BCAS3: variants seen among roughly 807,000 people sequenced by gnomAD.
BCAS3 encodes the protein BCAS3 microtubule associated cell migration factor.
A neutral mutation model predicts 116.1 loss-of-function variants in BCAS3; 53 were observed. The observed-to-expected ratio is 0.46, with a 90% CI of 0.37 to 0.57. BCAS3 has a LOEUF of 0.57. Among genes scored for constraint, BCAS3 ranks in the 20% least tolerant of loss-of-function variants. The pLI, the probability that BCAS3 is intolerant of heterozygous loss-of-function variation, is 0.00. For synonymous variants in BCAS3, 391 were observed against 408.2 expected (o/e 0.96, Z 0.51); for missense variants, 917 against 1,165.4 (o/e 0.79, Z 3.10).
chr17:60,888,749 T>C (rs1281523205), intron 9 of BCAS3, among the ~76,000 whole-genome samples: 1 of 152,202 alleles, frequency 6.6e-6, no homozygotes, highest in East Asian at 1.9e-4. Flanking sequence ...TGAACAGTTT[T>C]TTAAAAAGGG....
Position 61,042,749 on chromosome 17 carries a change from G to T in BCAS3, c.2029+1857G>T, listed in dbSNP as rs2067619145. On this transcript the variant is annotated intron_variant, in intron 19 of 23. Transcript: ENST00000407086. The stretch of plus-strand genomic sequence containing the variant: ...CTAAAAATACGAAAAAATTAGCCGG[G>T]TGTGGTGGTGCATGCCTGTAATCCC... Among the ~76,000 whole-genome samples the T allele has an allele frequency of 1.3e-5, 2 of 151,390 alleles. 1 individual carries two copies. The highest frequency in any genetic ancestry group is 3.0e-5 in the Non-Finnish European group (2 of 67,780).
At chr17:60,758,166 A>G (rs1208676503) in intron 6 of BCAS3, among the ~76,000 whole-genome samples, 3 of 152,160 alleles carry the variant, frequency 2.0e-5, no homozygotes, top group Non-Finnish European at 2.9e-5. Context: ...GCCTTGTAAT[A>G]TATTTTAAAG....
At chr17:60,727,607 G>T in intron 5 of BCAS3, 1 of 637,330 alleles carries the variant, frequency 1.6e-6, no homozygotes, top group Non-Finnish European at 2.5e-6. Context: ...GGCAGTTTTA[G>T]GTTCACGGCA....
At chr17:60,787,038 G>C (rs1198894246) in intron 6 of BCAS3, among the ~76,000 whole-genome samples, 1 of 152,008 alleles carries the variant, frequency 6.6e-6, no homozygotes, top group Non-Finnish European at 1.5e-5. Flanking sequence ...GGATAAAAAG[G>C]AACAAAAGCT....
intron 9 of BCAS3, among the ~76,000 whole-genome samples, chr17:60,878,053 A>C (rs2144931706): frequency 7.0e-6 from 1 of 143,060 alleles, no homozygotes; most frequent in African/African-American, 2.6e-5. Context: ...TCTTTTGCCC[A>C]GGCTGGAGTG....
chr17:61,188,820 T>C lies in BCAS3; in HGVS notation c.2425+104256T>C, dbSNP rs2079926831. Among the ~76,000 whole-genome samples the C allele has an allele frequency of 6.6e-6, 1 of 152,208 alleles. No individual in the cohort carries two copies. The highest frequency in any genetic ancestry group is 1.5e-5 in the Non-Finnish European group (1 of 68,020). ...TCAAATCATATTATTCAGTAAAGAA[T>C]GGCATACTTGCCGGGCATGGTGGCT... On this transcript the variant is annotated intron_variant, in intron 22 of 23. Transcript: ENST00000407086. This position sits in a 1 kb window ranked among gnomAD's most constrained non-coding sequence, Gnocchi z 4.0.
At position 60,967,053 on chromosome 17, in the gene BCAS3, GT is replaced by G. The variant is rs1316608911; in HGVS notation, c.1221+19704del. ...TATTTTTGATAGATTTATCTTTTGG[GT>G]TTCATACTAGAGTTATGAGTGGATT... On this transcript the variant is annotated intron_variant, in intron 14 of 23. Transcript: ENST00000407086. This position sits in a 1 kb window ranked among gnomAD's most constrained non-coding sequence, Gnocchi z 4.7. 6.6e-6 allele frequency among the ~76,000 whole-genome samples: 1 copy of G among 152,082 alleles called. No homozygotes were observed. Among genetic ancestry groups the G allele is most frequent in the Non-Finnish European group, 1.5e-5 (1 of 68,010 alleles).
In BCAS3 at chr17:61,379,552, C is replaced by T. The variant is rs1603192209; in HGVS notation, c.2593+11058C>T. The stretch of plus-strand genomic sequence containing the variant: ...TAGTAGAAGAAGGCATTTTGGAGCC[C>T]ATCCCGGAAACAGCTTTCCAGCCTT... On this transcript the variant is annotated intron_variant, in intron 23 of 23. Coordinates refer to ENST00000407086, the MANE Select transcript of BCAS3 (RefSeq NM_017679.5). The surrounding 1 kb of genome is among the most constrained non-coding windows in gnomAD (Gnocchi z 5.5). 1 of 152,180 alleles carries T rather than the reference C, an allele frequency of 6.6e-6. No homozygotes were observed. Among genetic ancestry groups the T allele is most frequent in the East Asian group, 1.9e-4 (1 of 5,186 alleles). The allele number at this position is 152,180 out of a possible 1,614,324, so 9.4% of individuals were successfully genotyped here.
chr17:61,317,507 GA>G (rs2144803170), intron 22 of BCAS3, among the ~76,000 whole-genome samples: 1 of 152,306 alleles, frequency 6.6e-6, no homozygotes, highest in East Asian at 1.9e-4. Flanking sequence ...CCTGGACCAG[GA>G]AAATGCAGCT....
At position 61,282,705 on chromosome 17, in the gene BCAS3, C is replaced by G. The variant is rs2051348036; in HGVS notation, c.2426-85622C>G. On this transcript the variant is annotated intron_variant, in intron 22 of 23. Transcript: ENST00000407086. The surrounding 1 kb of genome is among the most constrained non-coding windows in gnomAD (Gnocchi z 5.9). ...TCAACACAGAGGATTATGAATCAGACCCTTCCAGAAGTCTCTATACCTCAC... is the reference window on the plus strand; with the variant it reads ...TCAACACAGAGGATTATGAATCAGAGCCTTCCAGAAGTCTCTATACCTCAC... Among the ~76,000 whole-genome samples the G allele has an allele frequency of 6.6e-6, 1 of 152,148 alleles. No individual in the cohort carries two copies. Among genetic ancestry groups the G allele is most frequent in the African/African-American group, 2.4e-5 (1 of 41,442 alleles).
intron 5 of BCAS3, among the ~76,000 whole-genome samples, chr17:60,744,834 G>A (rs1031884146): frequency 6.6e-6 from 1 of 151,978 alleles, no homozygotes; most frequent in African/African-American, 2.4e-5. Flanking sequence ...ATTGCCTTAT[G>A]TGTAAGGAGG....
At chr17:60,965,524 A>G (rs943025475) in intron 14 of BCAS3, among the ~76,000 whole-genome samples, 2 of 152,036 alleles carry the variant, frequency 1.3e-5, no homozygotes, top group African/African-American at 2.4e-5. Flanking sequence ...CCCGGCCTAT[A>G]TATTGCATTT....
chr17:60,985,104 A>G (rs1438097888), intron 14 of BCAS3, among the ~76,000 whole-genome samples: 1 of 149,848 alleles, frequency 6.7e-6, no homozygotes, highest in Non-Finnish European at 1.5e-5. Context: ...CTCCTCAAGC[A>G]TTTATCCATT....
At chr17:60,867,736 A>G (rs962157179) in intron 7 of BCAS3, among the ~76,000 whole-genome samples, 3 of 152,172 alleles carry the variant, frequency 2.0e-5, no homozygotes, top group South Asian at 2.1e-4. Flanking sequence ...TTAGCAAATA[A>G]TGACAGCTTT....
rs1190394985 is a variant in BCAS3 at position 61,180,355 on chromosome 17, G to A, written c.2425+95791G>A. Among the ~76,000 whole-genome samples the A allele has an allele frequency of 1.3e-5, 2 of 152,190 alleles. No homozygotes were observed. The highest frequency in any genetic ancestry group is 2.9e-5 in the Non-Finnish European group (2 of 68,036). ...GGAAAATGATTATGGCCACAGATAA[G>A]AGATTAAACTATTCAGCCAACAAGC... On this transcript the variant is annotated intron_variant, in intron 22 of 23. Coordinates refer to ENST00000407086, the MANE Select transcript of BCAS3 (RefSeq NM_017679.5). This position sits in a 1 kb window ranked among gnomAD's most constrained non-coding sequence, Gnocchi z 6.0.
intron 6 of BCAS3, among the ~76,000 whole-genome samples, chr17:60,785,450 C>T (rs755082834): frequency 6.6e-6 from 1 of 152,138 alleles, no homozygotes; most frequent in Non-Finnish European, 1.5e-5. Flanking sequence ...TGAGCCACTG[C>T]GCCCAGCCAG....
At chr17:60,977,257 G>C (rs1380138144) in intron 14 of BCAS3, among the ~76,000 whole-genome samples, 1 of 152,124 alleles carries the variant, frequency 6.6e-6, no homozygotes, top group Non-Finnish European at 1.5e-5. Flanking sequence ...ATAGCTCACT[G>C]CAGCCTCAAA....
At chr17:60,928,006 C>G (rs1177469967) in intron 13 of BCAS3, among the ~76,000 whole-genome samples, 1 of 152,084 alleles carries the variant, frequency 6.6e-6, no homozygotes, top group East Asian at 1.9e-4. Flanking sequence ...TTTTAGAACC[C>G]TTTATCAAAA....
intron 22 of BCAS3, among the ~76,000 whole-genome samples, chr17:61,255,199 A>G (rs2048692141): frequency 6.6e-6 from 1 of 152,204 alleles, no homozygotes. Flanking sequence ...CCACATCTCT[A>G]TCCGAGAGTT....
Sources: gnomAD v4.1 joint callset for allele counts (sites outside exome capture counted in the v4.1 genomes callset) on GRCh38, gnomAD v4.1.1 for gene constraint, Gnocchi (gnomAD v3.1) non-coding constraint, MANE v1.5 for transcripts, NCBI Gene and HGNC (gene_info 2026-07-23, HGNC 2026-07-21) for gene names.